POMT2: variants seen among roughly 807,000 people sequenced by gnomAD.
POMT2 encodes protein O-mannosyltransferase 2.
Under a neutral mutation model 100.0 loss-of-function variants are expected in POMT2, and 75 were observed. The observed-to-expected ratio is 0.75, with a 90% CI of 0.62 to 0.91. POMT2 has a LOEUF of 0.91. Ranked by LOEUF, POMT2 falls within the 40% of genes least tolerant of loss-of-function variation. The probability of loss-of-function intolerance (pLI) is 0.00; values close to 1 mark genes in which losing one functional copy is unlikely to be tolerated. For synonymous variants in POMT2, 378 were observed against 374.1 expected, an observed-to-expected ratio of 1.01 and a Z score of -0.12; for missense variants, 940 against 955.1, an observed-to-expected ratio of 0.98 and a Z score of 0.21.
intron 6 of POMT2, 168 bp downstream of exon 6, chr14:77,300,922 C>G: frequency 1.7e-6 from 2 of 1,203,206 alleles, no homozygotes; most frequent in East Asian, 4.7e-5. Flanking sequence ...CTCAGCCGGG[C>G]CCACTCCCTG....
chr14:77,304,898 T>C (rs920811274), intron 3 of POMT2, 98 bp from the exon 4 acceptor site: 4 of 1,532,084 alleles, frequency 2.6e-6, no homozygotes, highest in East Asian at 2.5e-5. Context: ...GGGGACCTGA[T>C]GAAGGCATGA....
intron 2 of POMT2, among the ~76,000 whole-genome samples, chr14:77,309,569 G>T (rs1891363483): frequency 6.6e-6 from 1 of 152,148 alleles, no homozygotes; most frequent in African/African-American, 2.4e-5. Flanking sequence ...GCTAAATTAG[G>T]GGTGCAGATG....
intron 20 of POMT2, among the ~76,000 whole-genome samples, chr14:77,277,991 T>C (rs1400009328): frequency 6.7e-6 from 1 of 149,298 alleles, no homozygotes; most frequent in East Asian, 2.1e-4. Flanking sequence ...GCCCCCCGGT[T>C]CCCCCCTCCC....
At chr14:77,291,902 C>T (rs993884407) in intron 9 of POMT2, among the ~76,000 whole-genome samples, 2 of 152,034 alleles carry the variant, frequency 1.3e-5, no homozygotes, top group East Asian at 1.9e-4. Context: ...GCATGGTACG[C>T]GCCTGTAATC....
Position 77,318,480 on chromosome 14 carries a change from C to T in POMT2, c.248+1954G>A, listed in dbSNP as rs146674606. ...AGATCAGCACCACCTTCTATCAATG[C>T]GGCTGATACAAATCACATGCTTCTC... On this transcript the variant is annotated intron_variant, in intron 1 of 20. Coordinates refer to ENST00000261534, the MANE Select transcript of POMT2 (RefSeq NM_013382.7). 2.8e-3 allele frequency among the ~76,000 whole-genome samples: 434 copies of T among 152,288 alleles called. 3 individuals are homozygous for T. Among genetic ancestry groups the T allele is most frequent in the Non-Finnish European group, 4.9e-3 (331 of 68,032 alleles).
At position 77,283,810 on chromosome 14, in the gene POMT2, A is replaced by G. The variant is rs756834697; in HGVS notation, c.1640T>C (p.Met547Thr). 1 of 1,610,334 alleles carries G rather than the reference A, an allele frequency of 6.2e-7. No individual in the cohort carries two copies. Among genetic ancestry groups the G allele is most frequent in the South Asian group, 1.1e-5 (1 of 90,980 alleles). Residue 547 changes from methionine (M) to threonine (T), a missense_variant, in exon 15 of 21, where the codon ATG becomes ACG. Transcript: ENST00000261534. ...SFPEILLESH[M>T]VMIRGNSGLK... ...GGGGACACATACCCGGATCATGACC[A>G]TGTGGGATTCCAGCAAGATCTCAGG...
At chr14:77,308,679 G>C (rs887532096) in intron 2 of POMT2, 1 of 408,262 alleles carries the variant, frequency 2.4e-6, no homozygotes, top group Non-Finnish European at 4.8e-6. Flanking sequence ...AAGTATGATC[G>C]TACCAGTGCT....
intron 2 of POMT2, among the ~76,000 whole-genome samples, chr14:77,309,717 C>T (rs918984932): frequency 6.6e-6 from 1 of 152,080 alleles, no homozygotes. Flanking sequence ...GAGTCTTGCT[C>T]AGTCGCCCAG....
chr14:77,278,210 C>A, intron 20 of POMT2, 184 bp downstream of exon 20: 1 of 627,566 alleles, frequency 1.6e-6, no homozygotes, highest in South Asian at 1.8e-5. Context: ...TCCTACCTGG[C>A]TGCACATTAG....
At chr14:77,287,048 T>C (rs942408608) in intron 11 of POMT2, 2 of 832,254 alleles carry the variant, frequency 2.4e-6, no homozygotes, top group African/African-American at 3.5e-5. Context: ...GTAGGAGCAC[T>C]GGACGGCATG....
intron 10 of POMT2, among the ~76,000 whole-genome samples, chr14:77,289,883 G>A (rs1412266646): frequency 6.6e-6 from 1 of 152,168 alleles, no homozygotes; most frequent in Non-Finnish European, 1.5e-5. Flanking sequence ...GTCCCAAACA[G>A]TGAGATACCA....
intron 11 of POMT2, chr14:77,287,502 TTCTCTCTCTG>T (rs905318509): frequency 7.1e-6 from 1 of 139,972 alleles, no homozygotes; most frequent in African/African-American, 2.8e-5. Flanking sequence ...AGCTAATTGC[TTCTCTCTCTG>T]TCTCTGTCTC....
rs575261503 is a variant in POMT2, at chr14:77,295,817, G to A, written c.1116+347C>T. ...AGCAGGCACCGTGCTAGGCAATTGAGCCTTCCAGGAGCTAGCAATCAAGTA... is the reference window on the plus strand; with the variant it reads ...AGCAGGCACCGTGCTAGGCAATTGAACCTTCCAGGAGCTAGCAATCAAGTA... On this transcript the variant is annotated intron_variant, in intron 9 of 20. Transcript: ENST00000261534. Among the ~76,000 whole-genome samples the A allele has an allele frequency of 2.6e-4, 39 of 152,106 alleles. 1 individual carries two copies. The Middle Eastern group carries it at 0.02, about 80-fold the overall frequency.
At chr14:77,308,760 C>A (rs1891330132) in intron 2 of POMT2, 1 of 454,124 alleles carries the variant, frequency 2.2e-6, no homozygotes, top group South Asian at 1.6e-5. Flanking sequence ...AACATCTTTG[C>A]AGGAAAACTT....
chr14:77,293,794 C>T (rs1594790650), intron 9 of POMT2, among the ~76,000 whole-genome samples: 1 of 152,194 alleles, frequency 6.6e-6, no homozygotes, highest in Non-Finnish European at 1.5e-5. Flanking sequence ...ATGGGCTCTA[C>T]GTACATAACA....
rs996607193 is a variant in POMT2, at chr14:77,318,508, G to T, written c.248+1926C>A. On this transcript the variant is annotated intron_variant, in intron 1 of 20. Coordinates refer to ENST00000261534, the MANE Select transcript of POMT2 (RefSeq NM_013382.7). ...CTGATACAAATCACATGCTTCTCCT[G>T]AGATCCTAAGGGCCTTACTTAGGTT... is the stretch of plus-strand genomic sequence containing the variant. Among the ~76,000 whole-genome samples, 4 of 152,086 alleles carry T rather than the reference G, an allele frequency of 2.6e-5. No individual in the cohort carries two copies. The East Asian group carries it at 7.7e-4, about 29-fold the overall frequency.
At chr14:77,288,030 T>C (rs905033502) in intron 11 of POMT2, among the ~76,000 whole-genome samples, 2 of 152,176 alleles carry the variant, frequency 1.3e-5, no homozygotes, top group African/African-American at 4.8e-5. Context: ...CCCCAAGCCT[T>C]TGGGGGTTCC....
chr14:77,308,520 TAATTTTTG>T (rs1458679289), intron 2 of POMT2, among the ~76,000 whole-genome samples: 1 of 151,714 alleles, frequency 6.6e-6, no homozygotes, highest in African/African-American at 2.4e-5. Context: ...CACGCCCGGC[TAATTTTTG>T]TTTTTTTAGT....
intron 12 of POMT2, 89 bp downstream of exon 12, chr14:77,286,655 G>C: frequency 1.3e-6 from 2 of 1,574,168 alleles, no homozygotes; most frequent in Non-Finnish European, 1.7e-6. Flanking sequence ...GAACATTCCA[G>C]AATTCTGGGG....
Sources: gnomAD v4.1 joint callset for allele counts (sites outside exome capture counted in the v4.1 genomes callset) on GRCh38, gnomAD v4.1.1 for gene constraint, MANE v1.5 for transcripts, NCBI Gene and HGNC (gene_info 2026-07-23, HGNC 2026-07-21) for gene names.